CPED1: variants seen among roughly 807,000 people sequenced by gnomAD.
The protein encoded by CPED1 is cadherin like and PC-esterase domain containing 1.
CPED1 carries 114 observed loss-of-function variants against 128.2 expected under a neutral mutation model. The observed-to-expected ratio is 0.89, with a 90% CI of 0.76 to 1.04. The LOEUF (loss-of-function observed/expected upper bound fraction) is 1.04, where lower values mean the gene tolerates loss of function less well. Ranked by LOEUF, CPED1 falls within the 50% of genes least tolerant of loss-of-function variation. CPED1 has a pLI of 0.00. For synonymous variants in CPED1, 462 were observed against 426.7 expected, an observed-to-expected ratio of 1.08 and a Z score of -1.02; for missense variants, 1,211 against 1,207.1, an observed-to-expected ratio of 1.00 and a Z score of -0.05.
At chr7:121,090,275 C>T (rs1794540980) in intron 5 of CPED1, among the ~76,000 whole-genome samples, 1 of 152,116 alleles carries the variant, frequency 6.6e-6, no homozygotes, top group Admixed American at 6.6e-5. Flanking sequence ...TTGATCTGGC[C>T]ACTTTTATGG....
intron 16 of CPED1, among the ~76,000 whole-genome samples, chr7:121,182,793 A>T (rs1423474933): frequency 6.6e-6 from 1 of 152,094 alleles, no homozygotes; most frequent in African/African-American, 2.4e-5. Flanking sequence ...TGGAGATCAT[A>T]CTGCCTACTT....
chr7:121,203,893 G>A (rs1057123524), intron 16 of CPED1, among the ~76,000 whole-genome samples: 6 of 152,044 alleles, frequency 3.9e-5, no homozygotes, highest in African/African-American at 7.2e-5. Flanking sequence ...CACATGGCAG[G>A]GTTGGCTCTA....
chr7:121,160,818 A>G (rs1796396544), intron 16 of CPED1, among the ~76,000 whole-genome samples: 1 of 152,102 alleles, frequency 6.6e-6, no homozygotes, highest in Non-Finnish European at 1.5e-5. Flanking sequence ...GCAGGAGATG[A>G]AAAGATACCT....
chr7:121,097,924 T>C, intron 6 of CPED1, 93 bp downstream of exon 6: 1 of 1,244,318 alleles, frequency 8.0e-7, no homozygotes, highest in Non-Finnish European at 1.1e-6. Context: ...GGGGTTCACA[T>C]GTGTGAATTA....
At position 121,097,814 on chromosome 7, in the gene CPED1, C is replaced by T. The variant is rs537153938; in HGVS notation, c.732C>T (p.Asp244=). 1 of 1,613,736 alleles carries T rather than the reference C, an allele frequency of 6.2e-7. No individual in the cohort carries two copies. The highest frequency in any genetic ancestry group is 8.5e-7 in the Non-Finnish European group (1 of 1,179,742). Reference sequence around the variant, plus strand: ...AGCCACGTGTGTGGAAACCAGGGGACTGGAGTCGTGAACAGCTGTAAGCTA... The same window carrying T: ...AGCCACGTGTGTGGAAACCAGGGGATTGGAGTCGTGAACAGCTGTAAGCTA... ...TVKPRVWKPG[D]WSREQLNETT... is the part of the protein sequence containing the mutation. The change falls in exon 6 of 23, where the codon GAC becomes GAT. Residue 244 remains aspartate (D), a synonymous_variant. Transcript: ENST00000310396.
chr7:121,004,017 A>G (rs926853432), intron 2 of CPED1, among the ~76,000 whole-genome samples: 2 of 152,200 alleles, frequency 1.3e-5, no homozygotes, highest in Non-Finnish European at 1.5e-5. Flanking sequence ...CTCCATGAAT[A>G]GGATAAGGCA....
intron 16 of CPED1, among the ~76,000 whole-genome samples, chr7:121,172,700 A>AGATAGATAGATAGATAGATG (rs1584567880): frequency 6.6e-6 from 1 of 151,592 alleles, no homozygotes; most frequent in African/African-American, 2.4e-5. Context: ...ATAGATAGAT[A>AGATAGATAGATAGATAGATG]GATGTATTAG....
chr7:121,217,222 T>G (rs1797778469), intron 16 of CPED1, among the ~76,000 whole-genome samples: 1 of 151,982 alleles, frequency 6.6e-6, no homozygotes, highest in Admixed American at 6.6e-5. Flanking sequence ...CCACTATGCC[T>G]GGCCACAGTT....
At chr7:121,203,970 A>G (rs1018614147) in intron 16 of CPED1, among the ~76,000 whole-genome samples, 81 of 152,168 alleles carry the variant, frequency 5.3e-4, no homozygotes, top group African/African-American at 1.9e-3. Context: ...TAGTGCCTGC[A>G]TTTGCACCTG....
chr7:121,083,824 C>T (rs573545707), intron 5 of CPED1: 3 of 152,200 alleles, frequency 2.0e-5, no homozygotes, highest in Admixed American at 1.3e-4. Context: ...GTAGTCTGTG[C>T]TTCAGCTTTC....
At chr7:121,272,422 G>C (rs576224635) in intron 22 of CPED1, among the ~76,000 whole-genome samples, 162 of 151,820 alleles carry the variant, frequency 1.1e-3, no homozygotes, top group African/African-American at 3.6e-3. Context: ...GCCTTGGAGA[G>C]CCCCCTCCCC....
At chr7:121,021,938 G>A (rs1413350959) in intron 3 of CPED1, among the ~76,000 whole-genome samples, 1 of 151,870 alleles carries the variant, frequency 6.6e-6, no homozygotes, top group Non-Finnish European at 1.5e-5. Flanking sequence ...GAACTTGATA[G>A]GTGTTTTTCA....
chr7:121,005,517 G>A (rs1006374646), intron 2 of CPED1, among the ~76,000 whole-genome samples: 3 of 151,810 alleles, frequency 2.0e-5, no homozygotes, highest in African/African-American at 7.3e-5. Context: ...GTGGGGGGCT[G>A]GGGAGGGATA....
At chr7:121,000,852 C>T (rs769780700) in intron 2 of CPED1, among the ~76,000 whole-genome samples, 7 of 152,138 alleles carry the variant, frequency 4.6e-5, no homozygotes, top group Non-Finnish European at 7.4e-5. Context: ...ATTTTATCTA[C>T]ATTTTTAAAT....
intron 5 of CPED1, among the ~76,000 whole-genome samples, chr7:121,089,964 G>A (rs1397693614): frequency 1.3e-5 from 2 of 152,126 alleles, no homozygotes; most frequent in Middle Eastern, 3.2e-3. Flanking sequence ...CATGCTGTGT[G>A]GTCATTGCAG....
intron 7 of CPED1, among the ~76,000 whole-genome samples, chr7:121,117,011 T>C (rs896106626): frequency 2.1e-5 from 3 of 145,888 alleles, no homozygotes; most frequent in East Asian, 2.0e-4. Flanking sequence ...CACACACACA[T>C]ATATATACAC....
intron 3 of CPED1, among the ~76,000 whole-genome samples, chr7:121,017,204 T>C (rs1792325491): frequency 6.6e-6 from 1 of 152,196 alleles, no homozygotes; most frequent in Admixed American, 6.5e-5. Context: ...TTATTCTATT[T>C]AGTCATCACT....
In CPED1 at chr7:121,296,998, A is replaced by G. The variant is rs960117890; in HGVS notation, c.*1346A>G. The G allele has an allele frequency of 6.6e-6, 1 of 151,954 alleles. No individual in the cohort carries two copies. The highest frequency in any genetic ancestry group is 1.5e-5 in the Non-Finnish European group (1 of 67,912). 9.4% of individuals were successfully genotyped at this position (151,954 alleles called of 1,614,324 possible). On this transcript the variant is annotated 3_prime_UTR_variant, in exon 23 of 23. Transcript: ENST00000310396. The stretch of plus-strand genomic sequence containing the variant: ...AATATCCACCTCCTTTAAATACTCT[A>G]TTTTTATATATATTTTTATATGAAG...
intron 3 of CPED1, among the ~76,000 whole-genome samples, chr7:121,027,363 CTA>C (rs1318515546): frequency 6.6e-6 from 1 of 152,008 alleles, no homozygotes; most frequent in Non-Finnish European, 1.5e-5. Context: ...TTTCATTCAT[CTA>C]TTTATATGGT....
Sources: allele counts gnomAD v4.1 joint callset (sites outside exome capture counted in the v4.1 genomes callset), GRCh38; gene constraint gnomAD v4.1.1; transcripts MANE v1.5; gene names NCBI Gene and HGNC (gene_info 2026-07-23, HGNC 2026-07-21).